NALF1: variants seen among roughly 807,000 people sequenced by gnomAD.
NALF1 encodes the protein NALCN channel auxiliary factor 1.
A neutral mutation model predicts 48.4 loss-of-function variants in NALF1; 3 were observed. That is an observed-to-expected ratio of 0.06 (90% CI 0.03 to 0.16). The LOEUF (loss-of-function observed/expected upper bound fraction) is 0.16, where lower values mean the gene tolerates loss of function less well. Among genes scored for constraint, NALF1 ranks in the 10% least tolerant of loss-of-function variants. NALF1 has a pLI of 1.00. For missense variants in NALF1, 526 were observed against 571.5 expected (o/e 0.92, Z 0.81); for synonymous variants, 262 against 245.7 (o/e 1.07, Z -0.62).
chr13:107,213,761 C>A (rs897924597), intron 1 of NALF1, among the ~76,000 whole-genome samples: 10 of 152,188 alleles, frequency 6.6e-5, no homozygotes, highest in African/African-American at 1.9e-4. Context: ...CTTCTAGAAT[C>A]TTGAAAATGA....
At chr13:107,373,500 C>G (rs1883282274) in intron 1 of NALF1, among the ~76,000 whole-genome samples, 1 of 152,136 alleles carries the variant, frequency 6.6e-6, no homozygotes, top group African/African-American at 2.4e-5. Flanking sequence ...ATCACTTTGC[C>G]TTGCTCTGTC....
At chr13:107,289,213 C>T (rs1337915929) in intron 1 of NALF1, among the ~76,000 whole-genome samples, 1 of 152,126 alleles carries the variant, frequency 6.6e-6, no homozygotes, top group Non-Finnish European at 1.5e-5. Context: ...AAATCATAAC[C>T]CCTCAGTTCC....
intron 1 of NALF1, among the ~76,000 whole-genome samples, chr13:107,212,123 G>C (rs996235390): frequency 6.6e-6 from 1 of 152,132 alleles, no homozygotes; most frequent in African/African-American, 2.4e-5. Flanking sequence ...TCCATGCCCC[G>C]GGTCAATATC....
At chr13:107,475,776 A>G (rs556111285) in intron 1 of NALF1, among the ~76,000 whole-genome samples, 3 of 152,198 alleles carry the variant, frequency 2.0e-5, no homozygotes, top group Non-Finnish European at 4.4e-5. Context: ...TTAAATCAAT[A>G]AAGATTATTT....
At chr13:107,783,326 G>A (rs1028125407) in intron 1 of NALF1, among the ~76,000 whole-genome samples, 13 of 147,626 alleles carry the variant, frequency 8.8e-5, no homozygotes, top group African/African-American at 3.0e-4. Flanking sequence ...GAAGTGAGGA[G>A]CCCCTCTGCC....
chr13:107,607,262 A>G (rs1879098988), intron 1 of NALF1, among the ~76,000 whole-genome samples: 1 of 152,244 alleles, frequency 6.6e-6, no homozygotes, highest in Non-Finnish European at 1.5e-5. Flanking sequence ...AACATTAGGA[A>G]TTTAAGTACG....
At chr13:107,739,987 C>T (rs1198824986) in intron 1 of NALF1, among the ~76,000 whole-genome samples, 1 of 152,114 alleles carries the variant, frequency 6.6e-6, no homozygotes, top group Non-Finnish European at 1.5e-5. Context: ...AGGGCTTGCA[C>T]TGATTCTACA....
intron 1 of NALF1, among the ~76,000 whole-genome samples, chr13:107,312,364 T>C (rs1174159282): frequency 5.3e-5 from 8 of 151,810 alleles, no homozygotes; most frequent in African/African-American, 9.7e-5. Flanking sequence ...TAGGTGGGAA[T>C]TGAACAATGA....
intron 1 of NALF1, among the ~76,000 whole-genome samples, chr13:107,404,242 A>G (rs1883862882): frequency 6.6e-6 from 1 of 152,062 alleles, no homozygotes; most frequent in African/African-American, 2.4e-5. Flanking sequence ...TCGTTGTGTC[A>G]TTTGCAACTT....
intron 1 of NALF1, among the ~76,000 whole-genome samples, chr13:107,863,339 A>T (rs1276432266): frequency 6.6e-6 from 1 of 152,182 alleles, no homozygotes; most frequent in Non-Finnish European, 1.5e-5. Flanking sequence ...GAGAAAATAT[A>T]TGTTAAACTA....
rs113636902 is a variant in NALF1 at position 107,797,153 on chromosome 13, G to A, written c.915+68529C>T. Among the ~76,000 whole-genome samples, 30 of 152,178 alleles carry A rather than the reference G, an allele frequency of 2.0e-4. 2 individuals are homozygous for A. Among genetic ancestry groups the A allele is most frequent in the African/African-American group, 6.3e-4 (26 of 41,550 alleles). Reference sequence around the variant, plus strand: ...CTTGACTCTGACAGGTGAGCATGGCGTTTTGTTTTTTTATTTTTACATTTC... The same window carrying A: ...CTTGACTCTGACAGGTGAGCATGGCATTTTGTTTTTTTATTTTTACATTTC... On this transcript the variant is annotated intron_variant, in intron 1 of 2. Coordinates refer to ENST00000375915, the MANE Select transcript of NALF1 (RefSeq NM_001080396.3).
At chr13:107,813,674 A>C (rs201553680) in intron 1 of NALF1, among the ~76,000 whole-genome samples, 1 of 87,882 alleles carries the variant, frequency 1.1e-5, no homozygotes, top group African/African-American at 3.3e-5. Flanking sequence ...GAAGACCAGC[A>C]AAAAAAAAAA....
chr13:107,735,373 T>C (rs531729065), intron 1 of NALF1, among the ~76,000 whole-genome samples: 50 of 152,306 alleles, frequency 3.3e-4, no homozygotes, highest in African/African-American at 1.2e-3. Context: ...ATAATTAATT[T>C]GCAGAGAATG....
chr13:107,517,974 CG>C (rs1205243655), intron 1 of NALF1, among the ~76,000 whole-genome samples: 4 of 152,066 alleles, frequency 2.6e-5, no homozygotes, highest in African/African-American at 9.6e-5. Context: ...AAAAACTTAA[CG>C]TAAGCTCAAA....
chr13:107,319,110 T>C (rs1882205427), intron 1 of NALF1, among the ~76,000 whole-genome samples: 1 of 152,040 alleles, frequency 6.6e-6, no homozygotes, highest in South Asian at 2.1e-4. Flanking sequence ...CTCTCAGCAT[T>C]GTTTGATTGA....
chr13:107,713,467 T>G (rs1449116258), intron 1 of NALF1, among the ~76,000 whole-genome samples: 2 of 152,218 alleles, frequency 1.3e-5, no homozygotes, highest in East Asian at 1.9e-4. Context: ...ACATGAATGA[T>G]TTCCTACAAT....
intron 1 of NALF1, among the ~76,000 whole-genome samples, chr13:107,332,194 C>T (rs2138925057): frequency 6.6e-6 from 1 of 152,244 alleles, no homozygotes; most frequent in African/African-American, 2.4e-5. Context: ...CTTTCAAAAA[C>T]ATTCATTTAT....
In NALF1 at chr13:107,856,633, AC is replaced by A. The variant is rs1196884927; in HGVS notation, c.915+9048del. Among the ~76,000 whole-genome samples the A allele has an allele frequency of 3.3e-5, 5 of 152,176 alleles. No individual in the cohort carries two copies. The East Asian group carries it at 9.6e-4, about 29-fold the overall frequency. On this transcript the variant is annotated intron_variant, in intron 1 of 2. Coordinates refer to ENST00000375915, the MANE Select transcript of NALF1 (RefSeq NM_001080396.3). ...TCCTTTTTAAAATCAAAGTACTACT[AC>A]TGTGAGCAAGGTGTTAGGCTAAAAA...
chr13:107,458,087 A>G (rs1398265065), intron 1 of NALF1, among the ~76,000 whole-genome samples: 1 of 152,180 alleles, frequency 6.6e-6, no homozygotes, highest in African/African-American at 2.4e-5. Flanking sequence ...AACATTCTTC[A>G]TTTATTCATT....
Sources: gnomAD v4.1 joint callset for allele counts (sites outside exome capture counted in the v4.1 genomes callset) on GRCh38, gnomAD v4.1.1 for gene constraint, MANE v1.5 for transcripts, NCBI Gene and HGNC (gene_info 2026-07-23, HGNC 2026-07-21) for gene names.